Variants in NALCN observed in about 807,000 individuals in gnomAD.
NALCN encodes sodium leak channel NALCN.
Under a neutral mutation model 225.3 loss-of-function variants are expected in NALCN, and 111 were observed. That is an observed-to-expected ratio of 0.49 (90% confidence interval 0.42 to 0.58). NALCN has a LOEUF of 0.58. Among genes scored for constraint, NALCN ranks in the 20% least tolerant of loss-of-function variants. The probability of loss-of-function intolerance (pLI) is 0.00; values close to 1 mark genes in which losing one functional copy is unlikely to be tolerated. For missense variants in NALCN, 1,378 were observed against 2,202.4 expected, an observed-to-expected ratio of 0.63 and a Z score of 7.49; for synonymous variants, 764 against 769.0, an observed-to-expected ratio of 0.99 and a Z score of 0.11.
chr13:101,086,089 A>G (rs901031588), intron 30 of NALCN, among the ~76,000 whole-genome samples: 8 of 151,732 alleles, frequency 5.3e-5, no homozygotes, highest in African/African-American at 1.7e-4. Flanking sequence ...ACCTTCCTAG[A>G]GGTTTATTGA....
At chr13:101,360,665 A>G (rs1186798399) in intron 6 of NALCN, among the ~76,000 whole-genome samples, 2 of 152,190 alleles carry the variant, frequency 1.3e-5, no homozygotes, top group Non-Finnish European at 2.9e-5. Context: ...ACACTCAACC[A>G]CAAAGTACAC....
chr13:101,236,494 G>C (rs2041558723), intron 12 of NALCN, among the ~76,000 whole-genome samples: 1 of 151,932 alleles, frequency 6.6e-6, no homozygotes, highest in African/African-American at 2.4e-5. Flanking sequence ...TTCACAATAG[G>C]AAAGACTTGG....
intron 13 of NALCN, among the ~76,000 whole-genome samples, chr13:101,219,696 C>A (rs528182616): frequency 1.3e-5 from 2 of 152,290 alleles, no homozygotes; most frequent in South Asian, 4.1e-4. Context: ...GCCTTTCCTT[C>A]CAGGTACAGA....
Position 101,237,928 on chromosome 13 carries a change from G to A in NALCN, c.1267-6C>T. 1 of 1,584,194 alleles carries A rather than the reference G, an allele frequency of 6.3e-7. No homozygotes were observed. Among genetic ancestry groups the A allele is most frequent in the Non-Finnish European group, 8.6e-7 (1 of 1,167,674 alleles). On this transcript the variant is annotated splice_polypyrimidine_tract_variant and splice_region_variant and intron_variant, in intron 11 of 43. Coordinates refer to ENST00000251127, the MANE Select transcript of NALCN (RefSeq NM_052867.4). The stretch of plus-strand genomic sequence containing the variant: ...AAAAGTACTGTAAAAGCCACCTAGA[G>A]AAACAAAGAAACATTGAAATTGAAA...
At chr13:101,317,655 T>C (rs1343726986) in intron 7 of NALCN, among the ~76,000 whole-genome samples, 2 of 152,160 alleles carry the variant, frequency 1.3e-5, no homozygotes, top group Non-Finnish European at 2.9e-5. Context: ...TCCTGTGATT[T>C]TGTGGTTTCT....
chr13:101,083,555 T>G (rs2033773224), intron 31 of NALCN, among the ~76,000 whole-genome samples, 156 bp downstream of exon 31: 1 of 152,162 alleles, frequency 6.6e-6, no homozygotes, highest in Admixed American at 6.5e-5. Context: ...TTTAATAGCC[T>G]TATGGAGAGA....
intron 6 of NALCN, 117 bp from the exon 7 acceptor site, chr13:101,345,537 T>G: frequency 8.1e-7 from 1 of 1,233,520 alleles, no homozygotes; most frequent in Non-Finnish European, 1.1e-6. Context: ...AGGTTGCTCA[T>G]GCCTGTAATC....
chr13:101,148,004 C>G (rs1012076030), intron 15 of NALCN, among the ~76,000 whole-genome samples: 1 of 152,110 alleles, frequency 6.6e-6, no homozygotes, highest in African/African-American at 2.4e-5. Context: ...CAAAGTTTTC[C>G]TCTTACAAGC....
At chr13:101,323,109 C>T (rs939679651) in intron 7 of NALCN, among the ~76,000 whole-genome samples, 1 of 152,122 alleles carries the variant, frequency 6.6e-6, no homozygotes, top group African/African-American at 2.4e-5. Context: ...TCATGACTTA[C>T]CATTATTAAC....
chr13:101,221,587 T>C (rs1378690728), intron 13 of NALCN, among the ~76,000 whole-genome samples: 3 of 152,152 alleles, frequency 2.0e-5, no homozygotes, highest in Non-Finnish European at 2.9e-5. Flanking sequence ...CTCTCCCAAC[T>C]ACCTCTACAA....
chr13:101,074,720 CAGAG>C (rs71200721), intron 35 of NALCN, 58 bp from the exon 36 acceptor site: 3,970 of 1,316,648 alleles, frequency 3.0e-3, no homozygotes, highest in South Asian at 5.2e-3. Flanking sequence ...GAGACAGAGA[CAGAG>C]AGAGAGAGAG....
At chr13:101,271,673 AGT>A (rs566459620) in intron 10 of NALCN, among the ~76,000 whole-genome samples, 74 of 151,202 alleles carry the variant, frequency 4.9e-4, no homozygotes, top group African/African-American at 1.7e-3. Context: ...ATTATGTACA[AGT>A]GTGTTTGTGC....
At chr13:101,119,465 T>A (rs950701399) in intron 18 of NALCN, among the ~76,000 whole-genome samples, 2 of 152,232 alleles carry the variant, frequency 1.3e-5, no homozygotes, top group Non-Finnish European at 2.9e-5. Flanking sequence ...ATAAATATAT[T>A]GTCCTCACTA....
At chr13:101,343,390 G>C (rs555973416) in intron 7 of NALCN, among the ~76,000 whole-genome samples, 12 of 152,300 alleles carry the variant, frequency 7.9e-5, no homozygotes, top group African/African-American at 2.9e-4. Flanking sequence ...GAGGAATAAT[G>C]AATATTGCCA....
At chr13:101,146,263 T>C (rs1382576736) in intron 15 of NALCN, among the ~76,000 whole-genome samples, 1 of 152,226 alleles carries the variant, frequency 6.6e-6, no homozygotes, top group Non-Finnish European at 1.5e-5. Flanking sequence ...TAGCCTTTGG[T>C]TTTTCTGTCT....
In NALCN at chr13:101,258,544, A is replaced by T. The variant is rs774269678; in HGVS notation, c.1165T>A (p.Phe389Ile). ...KMMRSSVFHMFILSMVTVDVI... is the reference protein window; with the variant it reads ...KMMRSSVFHMIILSMVTVDVI... ...TCCACGGTCACCATGCTCAGGATGAACATGTGGAAAACGGATGACCGCATC... is the reference window on the plus strand; with the variant it reads ...TCCACGGTCACCATGCTCAGGATGATCATGTGGAAAACGGATGACCGCATC... The change falls in exon 11 of 44, where the codon TTC becomes ATC. Residue 389 changes from phenylalanine (F) to isoleucine (I), a missense_variant. By Grantham distance (21) the Phe-to-Ile change is conservative. Coordinates refer to ENST00000251127, the MANE Select transcript of NALCN (RefSeq NM_052867.4). The T allele has an allele frequency of 1.2e-6, 2 of 1,614,204 alleles. No homozygotes were observed. Among genetic ancestry groups the T allele is most frequent in the Non-Finnish European group, 1.7e-6 (2 of 1,180,034 alleles).
chr13:101,095,778 A>C, intron 27 of NALCN, 98 bp from the exon 28 acceptor site: 3 of 1,014,220 alleles, frequency 3.0e-6, no homozygotes, highest in South Asian at 2.9e-5. Context: ...ACGGAATCCC[A>C]AAAGCCCTTT....
chr13:101,361,241 C>T (rs2046243203), intron 6 of NALCN, among the ~76,000 whole-genome samples: 1 of 152,030 alleles, frequency 6.6e-6, no homozygotes, highest in African/African-American at 2.4e-5. Context: ...TTGGGTGGAA[C>T]CTGAGATACA....
chr13:101,290,999 A>G (rs1300206895), intron 9 of NALCN, among the ~76,000 whole-genome samples: 1 of 152,198 alleles, frequency 6.6e-6, no homozygotes, highest in East Asian at 1.9e-4. Flanking sequence ...CACGTGAAAC[A>G]AAACCAAAAA....
Sources: allele counts gnomAD v4.1 joint callset (sites outside exome capture counted in the v4.1 genomes callset), GRCh38; gene constraint gnomAD v4.1.1; transcripts MANE v1.5; gene names NCBI Gene and HGNC (gene_info 2026-07-23, HGNC 2026-07-21).